Variants in ARF3 observed in about 807,000 individuals in gnomAD.
ARF3 encodes ADP-ribosylation factor 3.
In ARF3, 5 loss-of-function variants were observed where a neutral mutation model predicts 19.3. The ratio of observed to expected loss-of-function variants is 0.26; its 90% CI spans 0.14 to 0.54. The LOEUF (loss-of-function observed/expected upper bound fraction) is 0.54. Among genes scored for constraint, ARF3 ranks in the 20% least tolerant of loss-of-function variants. ARF3 has a pLI of 0.95. For missense variants in ARF3, 77 were observed against 234.2 expected (o/e 0.33, Z 4.38); for synonymous variants, 71 against 89.2 (o/e 0.80, Z 1.15).
At chr12:48,940,473 C>T (rs751557517) in intron 2 of ARF3, among the ~76,000 whole-genome samples, 8 of 152,124 alleles carry the variant, frequency 5.3e-5, no homozygotes, top group Non-Finnish European at 7.3e-5. Context: ...GCCTGAGAGG[C>T]AGAGTGAAGA....
chr12:48,944,268 T>G (rs1948910206), intron 1 of ARF3, among the ~76,000 whole-genome samples: 1 of 152,240 alleles, frequency 6.6e-6, no homozygotes. Context: ...TAGTGGTGGC[T>G]GAAAAAGATA....
chr12:48,953,768 T>C (rs1170811051), intron 1 of ARF3, among the ~76,000 whole-genome samples: 3 of 152,256 alleles, frequency 2.0e-5, no homozygotes, highest in Admixed American at 2.0e-4. Flanking sequence ...TACCAGACTA[T>C]AATATGAAAC....
intron 1 of ARF3, among the ~76,000 whole-genome samples, chr12:48,951,747 C>T (rs1243925945): frequency 5.3e-5 from 8 of 151,668 alleles, no homozygotes; most frequent in Non-Finnish European, 1.0e-4. Context: ...GGCGTGGTGG[C>T]GCACGCCTGT....
chr12:48,946,627 T>C (rs1051395946), intron 1 of ARF3, among the ~76,000 whole-genome samples: 6 of 152,262 alleles, frequency 3.9e-5, no homozygotes, highest in African/African-American at 1.4e-4. Context: ...GTACAATCTG[T>C]GTGGGACACT....
chr12:48,943,093 C>T lies in ARF3; in HGVS notation c.-93-1905G>A, dbSNP rs183223987. ...CTGCGCTCCAGCCTGGGTGACAGGG[C>T]GAGAATCCATCTCAAAATAATAATA... On this transcript the variant is annotated intron_variant, in intron 1 of 4. Coordinates refer to ENST00000256682, the MANE Select transcript of ARF3 (RefSeq NM_001659.3). 1.0e-3 allele frequency among the ~76,000 whole-genome samples: 153 copies of T among 152,100 alleles called. 1 individual carries two copies. The highest frequency in any genetic ancestry group is 3.6e-3 in the African/African-American group (148 of 41,494).
chr12:48,950,501 T>A (rs755987692), intron 1 of ARF3, among the ~76,000 whole-genome samples: 44 of 152,296 alleles, frequency 2.9e-4, no homozygotes, highest in East Asian at 7.7e-4. Flanking sequence ...TCTTTTTTTT[T>A]AAATCATAGT....
chr12:48,945,041 G>A (rs1277042151), intron 1 of ARF3, among the ~76,000 whole-genome samples: 6 of 150,102 alleles, frequency 4.0e-5, no homozygotes, highest in Non-Finnish European at 5.9e-5. Flanking sequence ...TCAGGAAGCC[G>A]AGGCAGGAGA....
Position 48,942,419 on chromosome 12 carries a change from C to G in ARF3, c.-93-1231G>C, listed in dbSNP as rs901110834. 3.3e-5 allele frequency among the ~76,000 whole-genome samples: 5 copies of G among 152,000 alleles called. No individual in the cohort carries two copies. In the South Asian group the frequency reaches 1.0e-3, roughly 32 times the overall value. Reference sequence around the variant, plus strand: ...TTTGCTATCACCTCTGCCTGGAATGCTTCTCTTCCAGATAACCATCATAGA... The same window carrying G: ...TTTGCTATCACCTCTGCCTGGAATGGTTCTCTTCCAGATAACCATCATAGA... On this transcript the variant is annotated intron_variant, in intron 1 of 4. Coordinates refer to ENST00000256682, the MANE Select transcript of ARF3 (RefSeq NM_001659.3).
intron 1 of ARF3, among the ~76,000 whole-genome samples, chr12:48,942,380 C>G (rs1222166398): frequency 6.6e-6 from 1 of 151,890 alleles, no homozygotes; most frequent in Non-Finnish European, 1.5e-5. Flanking sequence ...CATGCCTGGC[C>G]CAAAGCTTTC....
At chr12:48,957,227 C>T (rs1288351743) in intron 1 of ARF3, 83 bp downstream of exon 1, 1 of 152,304 alleles carries the variant, frequency 6.6e-6, no homozygotes, top group Non-Finnish European at 1.5e-5. Flanking sequence ...GGGCGGGGCC[C>T]GGGAGGCGCT....
chr12:48,948,949 A>T (rs1289296712), intron 1 of ARF3, among the ~76,000 whole-genome samples: 1 of 152,242 alleles, frequency 6.6e-6, no homozygotes, highest in Admixed American at 6.5e-5. Flanking sequence ...TAAATTAGAA[A>T]GGGGAAAGAC....
intron 1 of ARF3, among the ~76,000 whole-genome samples, chr12:48,951,490 T>C (rs1198886683): frequency 6.6e-6 from 1 of 151,942 alleles, no homozygotes; most frequent in African/African-American, 2.4e-5. Flanking sequence ...AGCCAGGTGG[T>C]GGACGAAGGT....
Position 48,939,836 on chromosome 12 carries a change from C to T in ARF3, c.260-57G>A. The stretch of plus-strand genomic sequence containing the variant: ...TGACAGGTAACCCCCTCCCCCCAAC[C>T]AAAAGACCACACCTGCCTGACACCC... On this transcript the variant is annotated intron_variant, in intron 3 of 4. Coordinates refer to ENST00000256682, the MANE Select transcript of ARF3 (RefSeq NM_001659.3). This position sits in a 1 kb window ranked among gnomAD's most constrained non-coding sequence, Gnocchi z 4.8. 5 of 1,610,086 alleles carry T rather than the reference C, an allele frequency of 3.1e-6. No homozygotes were observed. The highest frequency in any genetic ancestry group is 3.4e-6 in the Non-Finnish European group (4 of 1,177,136).
chr12:48,938,856 A>G lies in ARF3; in HGVS notation c.*91T>C. 2.0e-6 allele frequency: 3 copies of G among 1,514,788 alleles called. No homozygotes were observed. Among genetic ancestry groups the G allele is most frequent in the Non-Finnish European group, 8.9e-7 (1 of 1,120,678 alleles). 93.8% of individuals were successfully genotyped at this position (1,514,788 alleles called of 1,614,324 possible). On this transcript the variant is annotated 3_prime_UTR_variant, in exon 5 of 5. Coordinates refer to ENST00000256682, the MANE Select transcript of ARF3 (RefSeq NM_001659.3). ...ACATGATACCCAGGGCCCTGGCCAC[A>G]CTTGCATGGAGAGGAAGGGGTAGGA... is the stretch of plus-strand genomic sequence containing the variant.
At position 48,950,944 on chromosome 12, in the gene ARF3, C is replaced by T. The variant is rs531240178; in HGVS notation, c.-94+6366G>A. ...GGGCGATTACAGGCACCTGCCACCA[C>T]GCCCGGCTAATTTTTTGTATTTAGT... On this transcript the variant is annotated intron_variant, in intron 1 of 4. Coordinates refer to ENST00000256682, the MANE Select transcript of ARF3 (RefSeq NM_001659.3). Among the ~76,000 whole-genome samples, 42 of 152,200 alleles carry T rather than the reference C, an allele frequency of 2.8e-4. 1 individual carries two copies. The South Asian group carries it at 8.5e-3, about 31-fold the overall frequency.
intron 1 of ARF3, among the ~76,000 whole-genome samples, chr12:48,941,753 G>C (rs532221125): frequency 6.6e-6 from 1 of 152,298 alleles, no homozygotes; most frequent in African/African-American, 2.4e-5. Flanking sequence ...AAATAAAGGA[G>C]GAATAAGAAA....
In ARF3 at chr12:48,939,147, A is replaced by G. The variant is rs2137575351; in HGVS notation, c.385-39T>C. The G allele has an allele frequency of 1.3e-6, 2 of 1,594,862 alleles. No homozygotes were observed. The highest frequency in any genetic ancestry group is 3.4e-5 in the Admixed American group (2 of 57,976). ...GAGACACATAAAAAGAAGCCTCAGGATTTTTTAAAGGCTTCTAGAACACCC... is the reference window on the plus strand; with the variant it reads ...GAGACACATAAAAAGAAGCCTCAGGGTTTTTTAAAGGCTTCTAGAACACCC... On this transcript the variant is annotated intron_variant, in intron 4 of 4. Transcript: ENST00000256682. This position sits in a 1 kb window ranked among gnomAD's most constrained non-coding sequence, Gnocchi z 4.8.
At chr12:48,947,482 A>G (rs1006968883) in intron 1 of ARF3, among the ~76,000 whole-genome samples, 1 of 151,974 alleles carries the variant, frequency 6.6e-6, no homozygotes, top group Non-Finnish European at 1.5e-5. Flanking sequence ...AATTTTTTGC[A>G]TTTTTAGTAG....
chr12:48,938,211 A>C lies in ARF3; in HGVS notation c.*736T>G. The C allele has an allele frequency of 2.8e-6, 1 of 360,216 alleles. No individual in the cohort carries two copies. Among genetic ancestry groups the C allele is most frequent in the Non-Finnish European group, 5.6e-6 (1 of 179,814 alleles). 22.3% of individuals were successfully genotyped at this position (360,216 alleles called of 1,614,324 possible). On this transcript the variant is annotated 3_prime_UTR_variant, in exon 5 of 5. Transcript: ENST00000256682. ...CCCTAAGAAGGGTGGAGAGAAGAGT[A>C]CAAGGAAAATGGTGGTGAAGAATCC...
Sources: gnomAD v4.1 joint callset for allele counts (sites outside exome capture counted in the v4.1 genomes callset) on GRCh38, gnomAD v4.1.1 for gene constraint, Gnocchi (gnomAD v3.1) non-coding constraint, MANE v1.5 for transcripts, NCBI Gene and HGNC (gene_info 2026-07-23, HGNC 2026-07-21) for gene names.